KCNIP4: variants seen among roughly 807,000 people sequenced by gnomAD.
The protein encoded by KCNIP4 is potassium voltage-gated channel interacting protein 4.
A neutral mutation model predicts 34.0 loss-of-function variants in KCNIP4; 12 were observed. The ratio of observed to expected loss-of-function variants is 0.35; its 90% CI spans 0.23 to 0.57. The LOEUF is 0.57. Among genes scored for constraint, KCNIP4 ranks in the 20% least tolerant of loss-of-function variants. The probability of loss-of-function intolerance (pLI) is 0.83; values close to 1 mark genes in which losing one functional copy is unlikely to be tolerated. For synonymous variants in KCNIP4, 124 were observed against 102.2 expected (o/e 1.21, Z -1.29); for missense variants, 238 against 311.7 (o/e 0.76, Z 1.78).
intron 1 of KCNIP4, among the ~76,000 whole-genome samples, chr4:20,992,044 A>C (rs950311752): frequency 2.6e-5 from 4 of 152,230 alleles, no homozygotes; most frequent in Admixed American, 2.0e-4. Flanking sequence ...CCAATTCTGA[A>C]GAGAAACTGA....
intron 1 of KCNIP4, among the ~76,000 whole-genome samples, chr4:21,645,454 G>T (rs1358896617): frequency 2.0e-5 from 3 of 152,126 alleles, no homozygotes; most frequent in African/African-American, 7.2e-5. Context: ...TAAATACCTT[G>T]CAAAAGTCAC....
intron 1 of KCNIP4, among the ~76,000 whole-genome samples, chr4:21,766,807 TC>T (rs563196316): frequency 1.1e-4 from 16 of 152,124 alleles, no homozygotes; most frequent in African/African-American, 3.9e-4. Context: ...GGACTGAGAG[TC>T]AGAAAGTGTG....
intron 1 of KCNIP4, among the ~76,000 whole-genome samples, chr4:21,370,882 CGT>C (rs112128246): frequency 0.016 from 618 of 39,352 alleles, 54 homozygotes; most frequent in African/African-American, 0.03. Flanking sequence ...CACACACACA[CGT>C]GTGTGTGTGT....
intron 1 of KCNIP4, among the ~76,000 whole-genome samples, chr4:20,979,251 A>G (rs1735797690): frequency 6.6e-6 from 1 of 152,200 alleles, no homozygotes; most frequent in Non-Finnish European, 1.5e-5. Flanking sequence ...CATGGATATC[A>G]TTAAATAAGA....
intron 1 of KCNIP4, among the ~76,000 whole-genome samples, chr4:21,304,380 C>T (rs16870755): frequency 0.052 from 7,938 of 152,242 alleles, 302 homozygotes; most frequent in East Asian, 0.12. Flanking sequence ...AACATGAGGC[C>T]CGGCGCGGAG....
chr4:21,325,628 TCTA>T (rs1714963753), intron 1 of KCNIP4, among the ~76,000 whole-genome samples: 1 of 151,844 alleles, frequency 6.6e-6, no homozygotes, highest in Admixed American at 6.6e-5. Context: ...TATTACTTCT[TCTA>T]CTAACTTTGG....
At chr4:21,260,809 G>T (rs16870642) in intron 1 of KCNIP4, among the ~76,000 whole-genome samples, 1 of 152,034 alleles carries the variant, frequency 6.6e-6, no homozygotes, top group Middle Eastern at 3.2e-3. Context: ...AACTCTTTTC[G>T]TTTACAGAGG....
chr4:21,757,513 ATTTG>A (rs1207308706), intron 1 of KCNIP4, among the ~76,000 whole-genome samples: 1 of 152,148 alleles, frequency 6.6e-6, no homozygotes, highest in Non-Finnish European at 1.5e-5. Flanking sequence ...TCTATATGCA[ATTTG>A]AAAATGCTGG....
At chr4:21,551,102 T>C (rs1481549502) in intron 1 of KCNIP4, among the ~76,000 whole-genome samples, 1 of 151,990 alleles carries the variant, frequency 6.6e-6, no homozygotes, top group Non-Finnish European at 1.5e-5. Flanking sequence ...GAGAGAAAAA[T>C]GGAGATAGAC....
chr4:21,281,728 G>A (rs57857674), intron 1 of KCNIP4, among the ~76,000 whole-genome samples: 1 of 152,238 alleles, frequency 6.6e-6, no homozygotes, highest in African/African-American at 2.4e-5. Context: ...CCAATTATTT[G>A]AAAATTGATA....
At chr4:21,212,289 A>G (rs1186895647) in intron 1 of KCNIP4, among the ~76,000 whole-genome samples, 3 of 152,232 alleles carry the variant, frequency 2.0e-5, no homozygotes, top group East Asian at 3.9e-4. Flanking sequence ...TAATCCATTC[A>G]CAACAATTTC....
chr4:21,805,613 A>T (rs995209259), intron 1 of KCNIP4, among the ~76,000 whole-genome samples: 16 of 152,162 alleles, frequency 1.1e-4, no homozygotes, highest in African/African-American at 3.6e-4. Context: ...ACCTAACAGG[A>T]ACCCGAGGCT....
intron 1 of KCNIP4, among the ~76,000 whole-genome samples, chr4:21,936,075 C>A (rs923261686): frequency 1.3e-5 from 2 of 150,794 alleles, no homozygotes; most frequent in African/African-American, 4.9e-5. Flanking sequence ...TTTTCTTTTA[C>A]GAAGTATATA....
At chr4:21,621,656 C>A (rs1047691034) in intron 1 of KCNIP4, among the ~76,000 whole-genome samples, 1 of 152,114 alleles carries the variant, frequency 6.6e-6, no homozygotes, top group Admixed American at 6.6e-5. Flanking sequence ...CCATGTTCGG[C>A]CACTTCTTTT....
chr4:21,588,907 G>T (rs1300024271), intron 1 of KCNIP4, among the ~76,000 whole-genome samples: 1 of 151,220 alleles, frequency 6.6e-6, no homozygotes, highest in Non-Finnish European at 1.5e-5. Context: ...TTTAAATTCA[G>T]AGACACAGCA....
At chr4:21,917,039 T>G (rs1728668303) in intron 1 of KCNIP4, among the ~76,000 whole-genome samples, 1 of 152,258 alleles carries the variant, frequency 6.6e-6, no homozygotes. Context: ...GCTTCAGGTT[T>G]GCTCCTCTGT....
intron 1 of KCNIP4, among the ~76,000 whole-genome samples, chr4:21,735,068 C>G (rs951640672): frequency 3.9e-5 from 6 of 151,970 alleles, no homozygotes; most frequent in Non-Finnish European, 7.4e-5. Context: ...CATGTTAAGT[C>G]CTGAGAAATT....
Position 21,403,612 on chromosome 4 carries a change from G to A in KCNIP4, c.62-520903C>T, listed in dbSNP as rs144208628. On this transcript the variant is annotated intron_variant, in intron 1 of 8. Coordinates refer to ENST00000382152, the MANE Select transcript of KCNIP4 (RefSeq NM_025221.6). ...TCTATAACCTAATAGAACGACTTCCGTGTCCTTCACCTAATACCTTAATCA... is the reference window on the plus strand; with the variant it reads ...TCTATAACCTAATAGAACGACTTCCATGTCCTTCACCTAATACCTTAATCA... 4.6e-3 allele frequency among the ~76,000 whole-genome samples: 696 copies of A among 152,192 alleles called. 10 individuals are homozygous for A. Among genetic ancestry groups the A allele is most frequent in the Non-Finnish European group, 4.9e-3 (332 of 68,020 alleles).
intron 1 of KCNIP4, among the ~76,000 whole-genome samples, chr4:21,091,590 C>T (rs541760346): frequency 6.6e-6 from 1 of 152,284 alleles, no homozygotes; most frequent in South Asian, 2.1e-4. Context: ...GTTTGAGCTG[C>T]TATAACAAAA....
Sources: gnomAD v4.1 joint callset for allele counts (sites outside exome capture counted in the v4.1 genomes callset) on GRCh38, gnomAD v4.1.1 for gene constraint, MANE v1.5 for transcripts, NCBI Gene and HGNC (gene_info 2026-07-23, HGNC 2026-07-21) for gene names.